Variants in HACD1 observed in about 807,000 individuals in gnomAD.
HACD1 encodes very-long-chain (3R)-3-hydroxyacyl-CoA dehydratase 1.
Under a neutral mutation model 32.0 loss-of-function variants are expected in HACD1, and 41 were observed. The ratio of observed to expected loss-of-function variants is 1.28; its 90% CI spans 1.00 to 1.66. HACD1 has a LOEUF of 1.66. Ranked by LOEUF, HACD1 falls within the 40% of genes most tolerant of loss-of-function variation. The probability of loss-of-function intolerance (pLI) is 0.00; values close to 1 mark genes in which losing one functional copy is unlikely to be tolerated. For missense variants in HACD1, 396 were observed against 380.1 expected, an observed-to-expected ratio of 1.04 and a Z score of -0.35; for synonymous variants, 142 against 139.0, an observed-to-expected ratio of 1.02 and a Z score of -0.15.
rs1554815429 is a variant in HACD1 at position 17,590,143 on chromosome 10, C to T, written c.*221G>A. ...TACACCTAATTATTTTCCTAATAAT[C>T]AATACCTACCCAAAAGTTACTGATA... On this transcript the variant is annotated 3_prime_UTR_variant, in exon 7 of 7. Coordinates refer to ENST00000361271, the MANE Select transcript of HACD1 (RefSeq NM_014241.4). The T allele has an allele frequency of 3.2e-6, 1 of 311,170 alleles. No individual in the cohort carries two copies. The highest frequency in any genetic ancestry group is 2.2e-5 in the African/African-American group (1 of 46,104). 19.3% of individuals were successfully genotyped at this position (311,170 alleles called of 1,614,324 possible).
intron 1 of HACD1, 42 bp from the exon 2 acceptor site, chr10:17,604,089 T>C: frequency 7.6e-7 from 1 of 1,319,700 alleles, no homozygotes; most frequent in Non-Finnish European, 1.1e-6. Flanking sequence ...TCGAACTTAA[T>C]ACCACTGATT....
intron 1 of HACD1, 40 bp from the exon 2 acceptor site, chr10:17,604,087 A>T: frequency 1.5e-6 from 2 of 1,318,636 alleles, no homozygotes; most frequent in Non-Finnish European, 2.1e-6. Flanking sequence ...TTTCGAACTT[A>T]ATACCACTGA....
intron 5 of HACD1, among the ~76,000 whole-genome samples, chr10:17,598,651 G>A (rs1184061729): frequency 6.6e-6 from 1 of 152,168 alleles, no homozygotes; most frequent in Admixed American, 6.5e-5. Context: ...ACTGATTTGT[G>A]ACTTGTTCTC....
rs1275358154 is a variant in HACD1 at position 17,607,857 on chromosome 10, T to C, written c.258-3810A>G. Reference sequence around the variant, plus strand: ...GGCCAGGAGCCAATTGAATCAGGGTTCACTTCCTAAGCCCTCCATCAGAAA... The same window carrying C: ...GGCCAGGAGCCAATTGAATCAGGGTCCACTTCCTAAGCCCTCCATCAGAAA... On this transcript the variant is annotated intron_variant, in intron 1 of 6. Coordinates refer to ENST00000361271, the MANE Select transcript of HACD1 (RefSeq NM_014241.4). 2.6e-5 allele frequency among the ~76,000 whole-genome samples: 4 copies of C among 152,304 alleles called. No homozygotes were observed. The East Asian group carries it at 7.7e-4, about 29-fold the overall frequency.
intron 4 of HACD1, among the ~76,000 whole-genome samples, chr10:17,599,637 C>T (rs1246250787): frequency 1.3e-5 from 2 of 152,088 alleles, no homozygotes; most frequent in African/African-American, 4.8e-5. Flanking sequence ...CGTTTTTCTT[C>T]CCTCGTCCTT....
At chr10:17,605,729 G>C (rs998952025) in intron 1 of HACD1, among the ~76,000 whole-genome samples, 2 of 151,858 alleles carry the variant, frequency 1.3e-5, no homozygotes, top group African/African-American at 4.8e-5. Context: ...TGAGGTGGGT[G>C]GATCACCTGA....
rs1554816767 is a variant in HACD1 at position 17,603,784 on chromosome 10, A to G, written c.376-40T>C. 3 of 1,567,998 alleles carry G rather than the reference A, an allele frequency of 1.9e-6. No individual in the cohort carries two copies. The Admixed American group carries it at 5.1e-5, about 27-fold the overall frequency. On this transcript the variant is annotated intron_variant, in intron 2 of 6. Coordinates refer to ENST00000361271, the MANE Select transcript of HACD1 (RefSeq NM_014241.4). Reference sequence around the variant, plus strand: ...AAAAAAATCATTACGTCAATAATAGAAAACATTAAATAAACCACTGTCAAC... The same window carrying G: ...AAAAAAATCATTACGTCAATAATAGGAAACATTAAATAAACCACTGTCAAC...
chr10:17,599,150 T>C, intron 5 of HACD1, 140 bp downstream of exon 5: 1 of 1,308,098 alleles, frequency 7.6e-7, no homozygotes, highest in Non-Finnish European at 1.0e-6. Context: ...ACTTGTATAA[T>C]TATTAGTTAT....
At chr10:17,604,463 G>A (rs1171505478) in intron 1 of HACD1, among the ~76,000 whole-genome samples, 2 of 133,190 alleles carry the variant, frequency 1.5e-5, no homozygotes, top group East Asian at 2.2e-4. Context: ...TAGCCTGGGC[G>A]ACAGAGCTGT....
intron 1 of HACD1, among the ~76,000 whole-genome samples, chr10:17,609,278 G>A (rs149016262): frequency 2.0e-5 from 3 of 150,722 alleles, no homozygotes; most frequent in African/African-American, 4.9e-5. Flanking sequence ...CTCAGCCTCC[G>A]TAGTAGCTGA....
chr10:17,594,513 C>T lies in HACD1; in HGVS notation c.606-130G>A, dbSNP rs11599234. 159,176 of 670,310 alleles carry T rather than the reference C, an allele frequency of 0.24. 20,674 individuals are homozygous for T. The highest frequency in any genetic ancestry group is 0.26 in the Non-Finnish European group (117,305 of 453,218). 41.5% of individuals were successfully genotyped at this position (670,310 alleles called of 1,614,324 possible). On this transcript the variant is annotated intron_variant, in intron 5 of 6. Coordinates refer to ENST00000361271, the MANE Select transcript of HACD1 (RefSeq NM_014241.4). The stretch of plus-strand genomic sequence containing the variant: ...TCTTTACATATTTACAATAACCTTA[C>T]GTAAGGTTAATAGTTCTACTTTAAT...
Position 17,603,655 on chromosome 10 carries a change from A to G in HACD1, c.395-7T>C. On this transcript the variant is annotated splice_polypyrimidine_tract_variant and splice_region_variant and intron_variant, in intron 3 of 6. Coordinates refer to ENST00000361271, the MANE Select transcript of HACD1 (RefSeq NM_014241.4). ...ACAGAAGTAGGTACAATTCCTTAAA[A>G]AGAAAAACAAGTGAACTATTGCCCT... 1 of 1,611,242 alleles carries G rather than the reference A, an allele frequency of 6.2e-7. No individual in the cohort carries two copies. Among genetic ancestry groups the G allele is most frequent in the Non-Finnish European group, 8.5e-7 (1 of 1,177,648 alleles).
chr10:17,608,445 C>A (rs533860368), intron 1 of HACD1, among the ~76,000 whole-genome samples: 1 of 152,258 alleles, frequency 6.6e-6, no homozygotes, highest in South Asian at 2.1e-4. Context: ...CCTCCTTTAG[C>A]CATTTGGAGG....
In HACD1 at chr10:17,599,297, A is replaced by G. The variant is rs782505299; in HGVS notation, c.598T>C (p.Trp200Arg). The change falls in exon 5 of 7, where the codon TGG becomes CGG. Residue 200 changes from tryptophan to arginine, a missense_variant. By Grantham distance (101) the Trp-to-Arg change is moderately radical. Transcript: ENST00000361271. Reference protein sequence around the residue: ...LLDHLPYFIKWARYNFFIILY... With the variant: ...LLDHLPYFIKRARYNFFIILY... ...ACTGCAAGATATCGCCACCTGGCCC[A>G]TTTAATGAAGTATGGCAAGTGGTCA... 6.2e-7 allele frequency: 1 copy of G among 1,613,974 alleles called. No individual in the cohort carries two copies. The highest frequency in any genetic ancestry group is 1.1e-5 in the South Asian group (1 of 91,078).
chr10:17,617,171 C>A lies in HACD1; in HGVS notation c.169G>T (p.Glu57Ter). ...GTNGGASEAGEDREAPGERRR... is the reference protein window; with the variant it reads ...GTNGGASEAG ...CGCTCGCCGGGAGCCTCCCGGTCCT[C>A]GCCGGCCTCCGAGGCGCCGCCGTTG... The change falls in exon 1 of 7, where the codon GAG becomes TAG. Residue 57 changes from glutamate to a stop codon, truncating the protein, a stop_gained. Coordinates refer to ENST00000361271, the MANE Select transcript of HACD1 (RefSeq NM_014241.4). LOFTEE classifies it high-confidence loss of function. The A allele has an allele frequency of 6.6e-7, 1 of 1,504,716 alleles. No homozygotes were observed. The allele number at this position is 1,504,716 out of a possible 1,614,324, so 93.2% of individuals were successfully genotyped here. A position where few individuals can be genotyped will look rare whatever the true frequency, so the allele number is the denominator to read the frequency against.
At chr10:17,615,908 C>A (rs1554817991) in intron 1 of HACD1, 2 of 412,594 alleles carry the variant, frequency 4.8e-6, no homozygotes, top group Non-Finnish European at 9.9e-6. Flanking sequence ...CTGAGGTTGG[C>A]AGTGAGCGGA....
At chr10:17,592,432 C>T (rs1370016204) in intron 6 of HACD1, among the ~76,000 whole-genome samples, 1 of 152,010 alleles carries the variant, frequency 6.6e-6, no homozygotes, top group Non-Finnish European at 1.5e-5. Context: ...TTATTACTAA[C>T]ATTAAGAATG....
At chr10:17,591,372 C>T (rs1403750867) in intron 6 of HACD1, among the ~76,000 whole-genome samples, 1 of 152,124 alleles carries the variant, frequency 6.6e-6, no homozygotes, top group Non-Finnish European at 1.5e-5. Context: ...ATTCCATGGT[C>T]TCAGGTTTCT....
chr10:17,612,281 A>G (rs1442489012), intron 1 of HACD1, among the ~76,000 whole-genome samples: 1 of 152,204 alleles, frequency 6.6e-6, no homozygotes, highest in African/African-American at 2.4e-5. Context: ...TATACACTCA[A>G]ATGTAACTGT....
Sources: allele counts gnomAD v4.1 joint callset (sites outside exome capture counted in the v4.1 genomes callset), GRCh38; gene constraint gnomAD v4.1.1; transcripts MANE v1.5; gene names NCBI Gene and HGNC (gene_info 2026-07-23, HGNC 2026-07-21).